CREB3L2: variants seen among roughly 807,000 people sequenced by gnomAD.
The protein encoded by CREB3L2 is cyclic AMP-responsive element-binding protein 3-like protein 2.
A neutral mutation model predicts 57.2 loss-of-function variants in CREB3L2; 23 were observed. The ratio of observed to expected loss-of-function variants is 0.40; its 90% CI spans 0.29 to 0.57. The LOEUF is 0.57. Among genes scored for constraint, CREB3L2 ranks in the 20% least tolerant of loss-of-function variants. The pLI, the probability that CREB3L2 is intolerant of heterozygous loss-of-function variation, is 0.42. For synonymous variants in CREB3L2, 268 were observed against 265.1 expected (o/e 1.01, Z -0.11); for missense variants, 628 against 634.7 (o/e 0.99, Z 0.11).
chr7:137,938,688 A>C (rs1300627488), intron 1 of CREB3L2, among the ~76,000 whole-genome samples: 1 of 152,204 alleles, frequency 6.6e-6, no homozygotes, highest in African/African-American at 2.4e-5. Context: ...GTATATATTA[A>C]GTAAAAATGA....
intron 1 of CREB3L2, among the ~76,000 whole-genome samples, chr7:137,988,982 A>G (rs1440638727): frequency 7.1e-6 from 1 of 139,946 alleles, no homozygotes; most frequent in Non-Finnish European, 1.6e-5. Flanking sequence ...GGAGGGAGGG[A>G]GGGAAGGAAA....
At position 137,879,168 on chromosome 7, in the gene CREB3L2, T is replaced by TAAAAA; in HGVS notation, c.*1303_*1307dup. Reference sequence around the variant, plus strand: ...AAACTACAAAAGTTACTTTTAACCATAAAAAAAAAACAAAAAAACTAAAAG... The same window carrying TAAAAA: ...AAACTACAAAAGTTACTTTTAACCATAAAAAAAAAAAAAAACAAAAAAACTAAAAG... On this transcript the variant is annotated 3_prime_UTR_variant, in exon 12 of 12. Transcript: ENST00000330387. 2.2e-6 allele frequency: 1 copy of TAAAAA among 445,988 alleles called. No homozygotes were observed. The allele number at this position is 445,988 out of a possible 1,614,324, so 27.6% of individuals were successfully genotyped here. A position where few individuals can be genotyped will look rare whatever the true frequency, so the allele number is the denominator to read the frequency against.
In CREB3L2 at chr7:137,875,974, A is replaced by G. The variant is rs528830077; in HGVS notation, c.*4502T>C. On this transcript the variant is annotated 3_prime_UTR_variant, in exon 12 of 12. Transcript: ENST00000330387. ...CCCTTTGACCACAAAGGCATGGAAC[A>G]TTAATCTTCAAATGAGCCAGGTTCC... is the stretch of plus-strand genomic sequence containing the variant. 13 of 227,748 alleles carry G rather than the reference A, an allele frequency of 5.7e-5. No homozygotes were observed. Among genetic ancestry groups the G allele is most frequent in the African/African-American group, 2.9e-4 (13 of 45,164 alleles). 14.1% of individuals were successfully genotyped at this position (227,748 alleles called of 1,614,324 possible). A position where few individuals can be genotyped will look rare whatever the true frequency, so the allele number is the denominator to read the frequency against.
At chr7:137,927,393 AGGAG>A (rs1167503383) in intron 2 of CREB3L2, among the ~76,000 whole-genome samples, 2 of 133,818 alleles carry the variant, frequency 1.5e-5, no homozygotes, top group African/African-American at 5.9e-5. Flanking sequence ...AAGGGAGGGA[AGGAG>A]GGAAGGAAGG....
At chr7:137,924,288 T>C (rs1395713015) in intron 2 of CREB3L2, among the ~76,000 whole-genome samples, 3 of 152,246 alleles carry the variant, frequency 2.0e-5, no homozygotes. Flanking sequence ...TATGCTAAGG[T>C]CTGTTGATAG....
rs138332308 is a variant in CREB3L2 at position 137,876,748 on chromosome 7, G to C, written c.*3728C>G. ...AGCCAGCCCAGCAAGCAGAAGTGCT[G>C]GTGTCTTTAACCCAGGTTTCTTAAA... On this transcript the variant is annotated 3_prime_UTR_variant, in exon 12 of 12. Coordinates refer to ENST00000330387, the MANE Select transcript of CREB3L2 (RefSeq NM_194071.4). 3 of 232,088 alleles carry C rather than the reference G, an allele frequency of 1.3e-5. No homozygotes were observed. The highest frequency in any genetic ancestry group is 6.6e-5 in the African/African-American group (3 of 45,340). 14.4% of individuals were successfully genotyped at this position (232,088 alleles called of 1,614,324 possible). A position where few individuals can be genotyped will look rare whatever the true frequency, so the allele number is the denominator to read the frequency against.
rs964102610 is a variant in CREB3L2 at position 137,954,861 on chromosome 7, C to T, written c.103-26495G>A. 2.6e-5 allele frequency among the ~76,000 whole-genome samples: 4 copies of T among 152,132 alleles called. No individual in the cohort carries two copies. In the East Asian group the frequency reaches 7.7e-4, roughly 29 times the overall value. On this transcript the variant is annotated intron_variant, in intron 1 of 11. Transcript: ENST00000330387. Reference sequence around the variant, plus strand: ...TCCCACAGAAGTCGGAACAACTGCCCAACCTACAAAGGAATAGAAAGAAGA... The same window carrying T: ...TCCCACAGAAGTCGGAACAACTGCCTAACCTACAAAGGAATAGAAAGAAGA...
At chr7:137,966,507 G>C (rs902200465) in intron 1 of CREB3L2, among the ~76,000 whole-genome samples, 1 of 152,168 alleles carries the variant, frequency 6.6e-6, no homozygotes, top group Non-Finnish European at 1.5e-5. Context: ...GACTCAGATA[G>C]AAGGAAAGCT....
chr7:137,938,080 G>A (rs748198473), intron 1 of CREB3L2, among the ~76,000 whole-genome samples: 4 of 152,120 alleles, frequency 2.6e-5, no homozygotes, highest in Admixed American at 6.5e-5. Context: ...ACTCTGACAC[G>A]GATACTATAA....
intron 6 of CREB3L2, 100 bp downstream of exon 6, chr7:137,905,602 T>C: frequency 4.7e-6 from 6 of 1,284,358 alleles, no homozygotes; most frequent in Non-Finnish European, 6.8e-6. Flanking sequence ...GTCTCCACCA[T>C]GGGATGGGGT....
At position 137,875,612 on chromosome 7, in the gene CREB3L2, A is replaced by G; in HGVS notation, c.*4864T>C. The G allele has an allele frequency of 4.4e-6, 1 of 224,780 alleles. No individual in the cohort carries two copies. The highest frequency in any genetic ancestry group is 8.9e-6 in the Non-Finnish European group (1 of 112,684). 13.9% of individuals were successfully genotyped at this position (224,780 alleles called of 1,614,324 possible). A position where few individuals can be genotyped will look rare whatever the true frequency, so the allele number is the denominator to read the frequency against. ...GAGCATCACACAGCAGGGCCATTGC[A>G]GGGGACAGGTGCTGTAATTCCTGCC... On this transcript the variant is annotated 3_prime_UTR_variant, in exon 12 of 12. Transcript: ENST00000330387.
intron 1 of CREB3L2, among the ~76,000 whole-genome samples, chr7:137,967,283 C>T (rs915188328): frequency 6.6e-6 from 1 of 152,180 alleles, no homozygotes; most frequent in African/African-American, 2.4e-5. Context: ...GTTAAGGTGG[C>T]CTGAGCAGAC....
intron 7 of CREB3L2, among the ~76,000 whole-genome samples, chr7:137,903,690 T>C (rs186885196): frequency 4.3e-4 from 66 of 152,334 alleles, no homozygotes; most frequent in African/African-American, 1.5e-3. Flanking sequence ...TTGTATGTGT[T>C]TGAAAAGAAG....
intron 1 of CREB3L2, among the ~76,000 whole-genome samples, chr7:137,950,710 T>G (rs1366781341): frequency 7.4e-6 from 1 of 134,528 alleles, no homozygotes; most frequent in Non-Finnish European, 1.6e-5. Context: ...TATCAGAAAC[T>G]GTGTCGTTGT....
At chr7:137,929,439 T>C (rs1800558921) in intron 1 of CREB3L2, among the ~76,000 whole-genome samples, 1 of 152,166 alleles carries the variant, frequency 6.6e-6, no homozygotes, top group Admixed American at 6.5e-5. Flanking sequence ...CTCCACCCAC[T>C]AGATGCCGGT....
At chr7:137,901,700 G>GA (rs1373168022) in intron 7 of CREB3L2, among the ~76,000 whole-genome samples, 1 of 151,674 alleles carries the variant, frequency 6.6e-6, no homozygotes, top group Non-Finnish European at 1.5e-5. Flanking sequence ...CCGACATGGT[G>GA]AAACCCTGTC....
chr7:137,933,361 C>G (rs972358781), intron 1 of CREB3L2, among the ~76,000 whole-genome samples: 1 of 152,214 alleles, frequency 6.6e-6, no homozygotes, highest in Non-Finnish European at 1.5e-5. Flanking sequence ...GCAACGCTCT[C>G]TTTGATTGGC....
intron 1 of CREB3L2, among the ~76,000 whole-genome samples, chr7:137,951,288 C>T (rs1451014763): frequency 6.6e-6 from 1 of 152,114 alleles, no homozygotes; most frequent in Admixed American, 6.5e-5. Context: ...AAAAAATCCA[C>T]GTGTTCGATA....
chr7:137,882,913 C>G (rs887338570), intron 10 of CREB3L2, among the ~76,000 whole-genome samples: 4 of 152,030 alleles, frequency 2.6e-5, no homozygotes, highest in African/African-American at 9.7e-5. Context: ...AAAACTCCCC[C>G]CTTACCACCC....
Sources: gnomAD v4.1 joint callset for allele counts (sites outside exome capture counted in the v4.1 genomes callset) on GRCh38, gnomAD v4.1.1 for gene constraint, MANE v1.5 for transcripts, NCBI Gene and HGNC (gene_info 2026-07-23, HGNC 2026-07-21) for gene names.